DCDC2: variants seen among roughly 807,000 people sequenced by gnomAD.
DCDC2 encodes doublecortin domain containing 2, also known as doublecortin domain-containing protein 2.
In DCDC2, 40 loss-of-function variants were observed where a neutral mutation model predicts 50.2. The observed-to-expected ratio is 0.80, with a 90% CI of 0.62 to 1.04. The LOEUF (loss-of-function observed/expected upper bound fraction) is 1.04. Among genes scored for constraint, DCDC2 ranks in the 50% least tolerant of loss-of-function variants. DCDC2 has a pLI of 0.00. For synonymous variants in DCDC2, 234 were observed against 210.6 expected, an observed-to-expected ratio of 1.11 and a Z score of -0.96; for missense variants, 570 against 581.9, an observed-to-expected ratio of 0.98 and a Z score of 0.21.
intron 7 of DCDC2, 101 bp from the exon 8 acceptor site, chr6:24,205,203 G>A (rs1176703525): frequency 1.2e-6 from 2 of 1,613,482 alleles, no homozygotes; most frequent in Non-Finnish European, 8.5e-7. Context: ...TAGACATTTG[G>A]ATTCCCTTTT....
intron 2 of DCDC2, among the ~76,000 whole-genome samples, chr6:24,320,779 T>C (rs978824599): frequency 6.6e-6 from 1 of 152,146 alleles, no homozygotes; most frequent in African/African-American, 2.4e-5. Flanking sequence ...CCTAAAAGCA[T>C]TGAAACCTCA....
At chr6:24,292,524 A>G (rs762508208) in intron 4 of DCDC2, among the ~76,000 whole-genome samples, 3 of 152,162 alleles carry the variant, frequency 2.0e-5, no homozygotes, top group Non-Finnish European at 2.9e-5. Flanking sequence ...TTGTACCTCT[A>G]CTCCTAACAA....
At chr6:24,193,032 A>G (rs376885511) in intron 8 of DCDC2, among the ~76,000 whole-genome samples, 2 of 152,104 alleles carry the variant, frequency 1.3e-5, no homozygotes, top group Non-Finnish European at 2.9e-5. Context: ...ATTTAAAGAA[A>G]CAGAATGCCA....
At position 24,324,881 on chromosome 6, in the gene DCDC2, TA is replaced by T. The variant is rs111539475; in HGVS notation, c.349-22838del. On this transcript the variant is annotated intron_variant, in intron 2 of 9. Transcript: ENST00000378454. ...ATGGCTGACAGAGCAAGAGCTTGTCTAAAAAAAAAAAACAAAGAAAGACAGA... is the reference window on the plus strand; with the variant it reads ...ATGGCTGACAGAGCAAGAGCTTGTCTAAAAAAAAAAACAAAGAAAGACAGA... Among the ~76,000 whole-genome samples, 869 of 133,896 alleles carry T rather than the reference TA, an allele frequency of 6.5e-3. 7 individuals are homozygous for T. The highest frequency in any genetic ancestry group is 0.012 in the African/African-American group (438 of 36,264). The allele number at this position is 133,896 out of a possible 152,430, so 87.8% of individuals were successfully genotyped here.
intron 7 of DCDC2, among the ~76,000 whole-genome samples, chr6:24,240,277 G>A (rs1316884066): frequency 6.6e-5 from 10 of 152,142 alleles, no homozygotes; most frequent in Middle Eastern, 3.4e-3. Context: ...TTGAATCCTC[G>A]GTGGCTTTAA....
At chr6:24,376,226 A>G in the DCDC2 span, among the ~76,000 whole-genome samples, 1 of 152,166 alleles carries the variant, frequency 6.6e-6, no homozygotes, top group African/African-American at 2.4e-5. Context: ...TGAAATACGT[A>G]TTCAATATAA....
chr6:24,213,996 CAT>C (rs1373119728), intron 7 of DCDC2, among the ~76,000 whole-genome samples: 1 of 152,178 alleles, frequency 6.6e-6, no homozygotes, highest in Non-Finnish European at 1.5e-5. Context: ...ATCTTCTCCA[CAT>C]GTCTTATTAT....
chr6:24,331,530 A>C (rs1759965575), intron 2 of DCDC2, among the ~76,000 whole-genome samples: 1 of 152,100 alleles, frequency 6.6e-6, no homozygotes, highest in Non-Finnish European at 1.5e-5. Flanking sequence ...TGCGATACTA[A>C]AGTACAAAAG....
intron 7 of DCDC2, among the ~76,000 whole-genome samples, chr6:24,217,708 C>CAA: frequency 6.6e-6 from 1 of 152,256 alleles, no homozygotes; most frequent in Non-Finnish European, 1.5e-5. Context: ...TTGCTTTAAA[C>CAA]AAAGTGAGAT....
chr6:24,314,379 G>A (rs1378040686), intron 2 of DCDC2, among the ~76,000 whole-genome samples: 1 of 152,072 alleles, frequency 6.6e-6, no homozygotes, highest in African/African-American at 2.4e-5. Flanking sequence ...AGGCTGAGGT[G>A]GGAGGATTGC....
chr6:24,352,926 A>G (rs147886661), intron 2 of DCDC2, among the ~76,000 whole-genome samples: 1 of 152,100 alleles, frequency 6.6e-6, no homozygotes, highest in East Asian at 1.9e-4. Flanking sequence ...TTTTTAATCT[A>G]TTTTTTCATT....
chr6:24,179,079 C>T (rs1284752503), intron 8 of DCDC2, among the ~76,000 whole-genome samples: 1 of 152,126 alleles, frequency 6.6e-6, no homozygotes, highest in Non-Finnish European at 1.5e-5. Context: ...GATTGTCATC[C>T]TCAAGGCTAA....
the DCDC2 span, among the ~76,000 whole-genome samples, chr6:24,377,126 A>C: frequency 6.6e-6 from 1 of 152,214 alleles, no homozygotes; most frequent in East Asian, 1.9e-4. Flanking sequence ...CCACAGCCAA[A>C]TTCACTGGAG....
chr6:24,266,726 T>C lies in DCDC2; in HGVS notation c.922+11323A>G, dbSNP rs980958485. On this transcript the variant is annotated intron_variant, in intron 7 of 9. Coordinates refer to ENST00000378454, the MANE Select transcript of DCDC2 (RefSeq NM_016356.5). Reference sequence around the variant, plus strand: ...GTATACTGTTGATGGGAATGTAAATTAGCATAGCAGAACAGTATGGAGGTT... The same window carrying C: ...GTATACTGTTGATGGGAATGTAAATCAGCATAGCAGAACAGTATGGAGGTT... Among the ~76,000 whole-genome samples the C allele has an allele frequency of 2.0e-5, 3 of 152,234 alleles. No individual in the cohort carries two copies. The East Asian group carries it at 5.8e-4, about 29-fold the overall frequency.
intron 7 of DCDC2, among the ~76,000 whole-genome samples, chr6:24,228,207 G>A (rs1425586409): frequency 6.6e-6 from 1 of 152,164 alleles, no homozygotes; most frequent in Admixed American, 6.5e-5. Context: ...CTTCTTTTTG[G>A]AATCTGGAAG....
chr6:24,241,663 T>C (rs552112357), intron 7 of DCDC2, among the ~76,000 whole-genome samples: 223 of 152,342 alleles, frequency 1.5e-3, no homozygotes, highest in African/African-American at 5.1e-3. Flanking sequence ...CTTTTGGCAG[T>C]GTTTTAAAAG....
At chr6:24,362,964 C>CT (rs1325878907), upstream of DCDC2, among the ~76,000 whole-genome samples, 1 of 152,100 alleles carries the variant, frequency 6.6e-6, no homozygotes, top group Non-Finnish European at 1.5e-5. Context: ...AGTGAGAAGG[C>CT]TTTAAGAAGC....
At chr6:24,334,213 A>G (rs978653332) in intron 2 of DCDC2, among the ~76,000 whole-genome samples, 1 of 152,214 alleles carries the variant, frequency 6.6e-6, no homozygotes, top group African/African-American at 2.4e-5. Context: ...TTGTACATAG[A>G]GAGTCAAATG....
intron 7 of DCDC2, among the ~76,000 whole-genome samples, chr6:24,276,707 A>G (rs1763366278): frequency 6.6e-6 from 1 of 152,148 alleles, no homozygotes; most frequent in Admixed American, 6.5e-5. Flanking sequence ...TTGTCACACA[A>G]TAGGCACTCG....
Sources: allele counts gnomAD v4.1 joint callset (sites outside exome capture counted in the v4.1 genomes callset), GRCh38; gene constraint gnomAD v4.1.1; transcripts MANE v1.5; gene names NCBI Gene and HGNC (gene_info 2026-07-23, HGNC 2026-07-21).